ADGRL3: variants seen among roughly 807,000 people sequenced by gnomAD.
ADGRL3 encodes calcium-independent alpha-latrotoxin receptor 3.
A neutral mutation model predicts 153.5 loss-of-function variants in ADGRL3; 62 were observed. That is an observed-to-expected ratio of 0.40 (90% CI 0.33 to 0.50). The LOEUF is 0.50. Ranked by LOEUF, ADGRL3 falls within the 20% of genes least tolerant of loss-of-function variation. The pLI is 0.47. For missense variants in ADGRL3, 1,641 were observed against 1,859.4 expected, an observed-to-expected ratio of 0.88 and a Z score of 2.16; for synonymous variants, 710 against 672.5, an observed-to-expected ratio of 1.06 and a Z score of -0.86.
chr4:61,947,048 G>A lies in ADGRL3; in HGVS notation c.2554G>A (p.Ala852Thr), dbSNP rs765428241. ...SVIVNSPVIT[A>T]AINKEFSNKV... Reference sequence around the variant, plus strand: ...TATTGTCAATTCCCCTGTTATTACGGCAGCAATAAACAAAGAGTTCAGTAA... The same window carrying A: ...TATTGTCAATTCCCCTGTTATTACGACAGCAATAAACAAAGAGTTCAGTAA... Residue 852 changes from alanine (A) to threonine (T), a missense_variant, in exon 16 of 27, where the codon GCA (alanine) becomes ACA (threonine). Ala to Thr is a moderately conservative substitution (Grantham distance 58). Around this residue, in one of 5 missense-constraint regions of ADGRL3, gnomAD observed 734 missense variants for 797.0 expected, o/e 0.92. Coordinates refer to ENST00000683033, the MANE Select transcript of ADGRL3 (RefSeq NM_001387552.1). 3.1e-6 allele frequency: 5 copies of A among 1,613,590 alleles called. No homozygotes were observed. The South Asian group carries it at 4.4e-5, about 14-fold the overall frequency.
intron 6 of ADGRL3, among the ~76,000 whole-genome samples, chr4:61,685,166 C>T (rs550908537): frequency 6.6e-6 from 1 of 152,196 alleles, no homozygotes; most frequent in Admixed American, 6.5e-5. Flanking sequence ...GATCCACCCA[C>T]CTCGGCCTCC....
intron 17 of ADGRL3, among the ~76,000 whole-genome samples, chr4:61,956,042 G>A (rs1428691436): frequency 6.6e-6 from 1 of 152,108 alleles, no homozygotes. Context: ...ACTCCTTTGG[G>A]TATATACCCA....
intron 6 of ADGRL3, among the ~76,000 whole-genome samples, chr4:61,685,021 T>C (rs1337555305): frequency 6.6e-6 from 1 of 151,774 alleles, no homozygotes; most frequent in Non-Finnish European, 1.5e-5. Context: ...CAAGTAATTC[T>C]CCCCCTCAGC....
At chr4:61,570,598 T>G (rs1356219682) in intron 4 of ADGRL3, among the ~76,000 whole-genome samples, 1 of 152,166 alleles carries the variant, frequency 6.6e-6, no homozygotes, top group African/African-American at 2.4e-5. Context: ...TATTATAATT[T>G]TGCACCATTA....
chr4:62,053,176 T>A (rs537085334), intron 25 of ADGRL3, among the ~76,000 whole-genome samples: 1 of 151,544 alleles, frequency 6.6e-6, no homozygotes, highest in Admixed American at 6.6e-5. Flanking sequence ...TGTCTGCTTT[T>A]GTGAGGTAAA....
At chr4:62,049,787 T>A (rs1488354027) in intron 25 of ADGRL3, among the ~76,000 whole-genome samples, 2 of 152,132 alleles carry the variant, frequency 1.3e-5, no homozygotes, top group African/African-American at 4.8e-5. Flanking sequence ...GTTCTAAGAA[T>A]GGACACCTGA....
chr4:61,373,378 A>G (rs2096564016), intron 1 of ADGRL3, among the ~76,000 whole-genome samples: 1 of 152,206 alleles, frequency 6.6e-6, no homozygotes, highest in African/African-American at 2.4e-5. Flanking sequence ...GAGAAATAAG[A>G]GACATAACAA....
chr4:61,386,680 A>T (rs933171640), intron 2 of ADGRL3, among the ~76,000 whole-genome samples: 4 of 152,186 alleles, frequency 2.6e-5, no homozygotes, highest in African/African-American at 9.6e-5. Flanking sequence ...ACATGAGAAA[A>T]ATATGGCAAC....
chr4:61,489,237 A>T (rs1382319603), intron 2 of ADGRL3, among the ~76,000 whole-genome samples: 1 of 151,990 alleles, frequency 6.6e-6, no homozygotes, highest in African/African-American at 2.4e-5. Flanking sequence ...CAACTCAAAG[A>T]GAAAGGACTT....
At chr4:61,580,284 A>T (rs1031770074) in intron 4 of ADGRL3, among the ~76,000 whole-genome samples, 2 of 151,954 alleles carry the variant, frequency 1.3e-5, no homozygotes, top group Admixed American at 6.6e-5. Context: ...TCTTTTTTTC[A>T]TATGATCAGT....
chr4:61,486,436 T>C (rs1022883697), intron 2 of ADGRL3, among the ~76,000 whole-genome samples: 2 of 152,222 alleles, frequency 1.3e-5, no homozygotes, highest in African/African-American at 4.8e-5. Context: ...TGATTTTATT[T>C]ATACAGTTGC....
rs564340004 is a variant in ADGRL3 at position 61,653,786 on chromosome 4, G to A, written c.474-23040G>A. Among the ~76,000 whole-genome samples the A allele has an allele frequency of 8.9e-4, 136 of 152,268 alleles. No individual in the cohort carries two copies. In the Middle Eastern group the frequency reaches 0.01, roughly 11 times the overall value. On this transcript the variant is annotated intron_variant, in intron 5 of 26. Transcript: ENST00000683033. Reference sequence around the variant, plus strand: ...GGATATCATTCACCTCTCTTGGATTGCATGCCTATTCCTAAACCAATCACA... The same window carrying A: ...GGATATCATTCACCTCTCTTGGATTACATGCCTATTCCTAAACCAATCACA...
chr4:61,431,833 C>T (rs940110228), intron 2 of ADGRL3, among the ~76,000 whole-genome samples: 30 of 152,140 alleles, frequency 2.0e-4, no homozygotes, highest in African/African-American at 7.2e-4. Flanking sequence ...TAATAATAGT[C>T]ATAATACTTC....
At position 61,285,745 on chromosome 4, in the gene ADGRL3, C is replaced by T. The variant is rs111378645; in HGVS notation, c.-240+83980C>T. On this transcript the variant is annotated intron_variant, in intron 1 of 26. Transcript: ENST00000683033. ...AATGCTTTGTCCTTTTGGTGCTCTC[C>T]TTACAGGCCTGTGAACTTGAATTCA... Among the ~76,000 whole-genome samples, 148 of 151,882 alleles carry T rather than the reference C, an allele frequency of 9.7e-4. 1 individual carries two copies. The highest frequency in any genetic ancestry group is 3.4e-3 in the African/African-American group (142 of 41,490).
At chr4:61,821,357 G>GTTTA (rs1313513541) in intron 9 of ADGRL3, among the ~76,000 whole-genome samples, 3 of 140,380 alleles carry the variant, frequency 2.1e-5, no homozygotes, top group East Asian at 2.1e-4. Flanking sequence ...TTATTTATTT[G>GTTTA]TTTATTTATT....
At chr4:61,794,768 C>A (rs1271845539) in intron 8 of ADGRL3, among the ~76,000 whole-genome samples, 1 of 152,186 alleles carries the variant, frequency 6.6e-6, no homozygotes, top group Non-Finnish European at 1.5e-5. Context: ...GTCACTACCT[C>A]ATATGTAAGT....
rs1300355073 is a variant in ADGRL3 at position 62,075,852 on chromosome 4, T to C, written c.*4944T>C. ...ATCAGCAAATATGTTCTTTATAACA[T>C]CTTAAAAATATTAAACAATTAAATT... is the stretch of plus-strand genomic sequence containing the variant. On this transcript the variant is annotated 3_prime_UTR_variant, in exon 27 of 27. Transcript: ENST00000683033. 1 of 152,184 alleles carries C rather than the reference T, an allele frequency of 6.6e-6. No individual in the cohort carries two copies. Among genetic ancestry groups the C allele is most frequent in the Admixed American group, 6.6e-5 (1 of 15,266 alleles). 9.4% of individuals were successfully genotyped at this position (152,184 alleles called of 1,614,324 possible).
chr4:61,892,765 AAGAAACCGGAGT>A lies in ADGRL3; in HGVS notation c.1592_1603del (p.Arg531_Ser534del). 1.9e-6 allele frequency: 3 copies of A among 1,613,886 alleles called. No homozygotes were observed. Among genetic ancestry groups the A allele is most frequent in the Non-Finnish European group, 2.5e-6 (3 of 1,179,854 alleles). ...GTACCACCCCGTCAGTGTCAGGAAG[AAGAAACCGGAGT>A]ACTAGTACCCCATCTCCAGCTGTCG... On this transcript the variant is annotated inframe_deletion, in exon 10 of 27. Transcript: ENST00000683033.
intron 4 of ADGRL3, among the ~76,000 whole-genome samples, chr4:61,536,832 C>G (rs1304405391): frequency 6.6e-6 from 1 of 151,754 alleles, no homozygotes; most frequent in Admixed American, 6.6e-5. Context: ...TTTTTTTTCC[C>G]AATTTGCCAG....
Sources: gnomAD v4.1 joint callset for allele counts (sites outside exome capture counted in the v4.1 genomes callset) on GRCh38, gnomAD v4.1.1 for gene constraint, gnomAD v4.1.1 regional missense constraint, MANE v1.5 for transcripts, NCBI Gene and HGNC (gene_info 2026-07-23, HGNC 2026-07-21) for gene names.